The following EXD3 variants were observed in gnomAD, a reference collection of about 807,000 sequenced individuals.
The protein encoded by EXD3 is exonuclease 3'-5' domain containing 3.
In EXD3, 92 loss-of-function variants were observed where a neutral mutation model predicts 98.0. The observed-to-expected ratio is 0.94, with a 90% CI of 0.79 to 1.12. The LOEUF is 1.12. EXD3 is among the 50% of genes most tolerant of loss of function. EXD3 has a pLI of 0.00. For synonymous variants in EXD3, 569 were observed against 526.0 expected, an observed-to-expected ratio of 1.08 and a Z score of -1.12; for missense variants, 1,222 against 1,191.6, an observed-to-expected ratio of 1.03 and a Z score of -0.38.
chr9:137,311,787 C>T (rs561160534), intron 19 of EXD3, among the ~76,000 whole-genome samples: 1 of 152,330 alleles, frequency 6.6e-6, no homozygotes, highest in Non-Finnish European at 1.5e-5. Flanking sequence ...GCGAGGGCCT[C>T]CCTGTCCATC....
At position 137,407,196 on chromosome 9, in the gene EXD3, C is replaced by T. The variant is rs922810206; in HGVS notation, c.-47-11792G>A. Among the ~76,000 whole-genome samples, 3 of 151,184 alleles carry T rather than the reference C, an allele frequency of 2.0e-5. No individual in the cohort carries two copies. Among genetic ancestry groups the T allele is most frequent in the Admixed American group, 2.0e-4 (3 of 15,230 alleles). On this transcript the variant is annotated intron_variant, in intron 1 of 21. Coordinates refer to ENST00000340951, the MANE Select transcript of EXD3 (RefSeq NM_017820.5). This position sits in a 1 kb window ranked among gnomAD's most constrained non-coding sequence, Gnocchi z 4.4. ...TGGTGGAACCCGGCAGCGCCTCCTCCGTCTCAGCCGCGTCGGTCCCAGGCG... is the reference window on the plus strand; with the variant it reads ...TGGTGGAACCCGGCAGCGCCTCCTCTGTCTCAGCCGCGTCGGTCCCAGGCG...
At chr9:137,338,980 G>C (rs1359263705) in intron 17 of EXD3, among the ~76,000 whole-genome samples, 1 of 151,646 alleles carries the variant, frequency 6.6e-6, no homozygotes, top group Non-Finnish European at 1.5e-5. Context: ...CAATAAAAGA[G>C]AGGGAACCCA....
chr9:137,317,595 G>A (rs1234805319), intron 19 of EXD3, among the ~76,000 whole-genome samples: 2 of 152,080 alleles, frequency 1.3e-5, no homozygotes, highest in East Asian at 3.9e-4. Context: ...AGGAAAGGGG[G>A]GATGAGGGGG....
intron 6 of EXD3, 121 bp from the exon 7 acceptor site, chr9:137,366,753 C>T: frequency 7.8e-7 from 1 of 1,280,814 alleles, no homozygotes; most frequent in Non-Finnish European, 1.1e-6. Context: ...GCCGTCCAGG[C>T]CCAGCAGTGC....
intron 1 of EXD3, among the ~76,000 whole-genome samples, chr9:137,419,989 C>T (rs1416327304): frequency 1.3e-5 from 2 of 151,816 alleles, no homozygotes; most frequent in Non-Finnish European, 2.9e-5. Flanking sequence ...GAAACCCCAT[C>T]TCTACTAAAA....
At position 137,403,925 on chromosome 9, in the gene EXD3, C is replaced by T. The variant is rs555949222; in HGVS notation, c.-47-8521G>A. ...CCCCACGCCATCTCTGCATAGACCC[C>T]GAAGGATGTGGAGTGTCCTCCAGGG... On this transcript the variant is annotated intron_variant, in intron 1 of 21. Coordinates refer to ENST00000340951, the MANE Select transcript of EXD3 (RefSeq NM_017820.5). The surrounding 1 kb of genome is among the most constrained non-coding windows in gnomAD (Gnocchi z 6.1). Among the ~76,000 whole-genome samples, 38 of 152,138 alleles carry T rather than the reference C, an allele frequency of 2.5e-4. No homozygotes were observed. The highest frequency in any genetic ancestry group is 8.7e-4 in the African/African-American group (36 of 41,516).
intron 17 of EXD3, among the ~76,000 whole-genome samples, chr9:137,330,160 G>A (rs1564481229): frequency 8.0e-6 from 1 of 124,674 alleles, no homozygotes; most frequent in East Asian, 2.8e-4. Flanking sequence ...AGCTACACAG[G>A]ACTACACCGG....
Position 137,411,678 on chromosome 9 carries a change from G to C in EXD3, c.-48+11436C>G, listed in dbSNP as rs1007186644. 1.9e-3 allele frequency among the ~76,000 whole-genome samples: 272 copies of C among 146,004 alleles called. 7 individuals are homozygous for C. The highest frequency in any genetic ancestry group is 0.017 in the Admixed American group (256 of 14,742). Reference sequence around the variant, plus strand: ...CAGCCCCGGGACCTGGAAAAGGAGCGGCAGGCGGAGGCGGGGGTGGGGGAG... The same window carrying C: ...CAGCCCCGGGACCTGGAAAAGGAGCCGCAGGCGGAGGCGGGGGTGGGGGAG... On this transcript the variant is annotated intron_variant, in intron 1 of 21. Transcript: ENST00000340951.
intron 1 of EXD3, among the ~76,000 whole-genome samples, chr9:137,408,054 G>T (rs1386364558): frequency 6.6e-6 from 1 of 152,078 alleles, no homozygotes; most frequent in Non-Finnish European, 1.5e-5. Context: ...GGCCTCCAAG[G>T]GTCTCCCTGG....
intron 8 of EXD3, among the ~76,000 whole-genome samples, chr9:137,355,164 T>C (rs888293860): frequency 6.6e-6 from 1 of 152,074 alleles, no homozygotes; most frequent in Non-Finnish European, 1.5e-5. Context: ...TGAAGCCCCA[T>C]GAGCGGCAGG....
intron 10 of EXD3, chr9:137,353,261 C>G (rs1358382277): frequency 9.1e-6 from 9 of 985,116 alleles, no homozygotes; most frequent in Non-Finnish European, 1.1e-5. Context: ...CCCTCCTGGC[C>G]TCCAAGCCTC....
At position 137,309,598 on chromosome 9, in the gene EXD3, C is replaced by G. The variant is rs1298273879; in HGVS notation, c.2278+9G>C. On this transcript the variant is annotated intron_variant, in intron 20 of 21. Transcript: ENST00000340951. ...CCCCAGACCCAGTGCCTGACCCTGACACACTCACCTGAGCTCCTGGGCCCC... is the reference window on the plus strand; with the variant it reads ...CCCCAGACCCAGTGCCTGACCCTGAGACACTCACCTGAGCTCCTGGGCCCC... 6.4e-7 allele frequency: 1 copy of G among 1,554,416 alleles called. No homozygotes were observed. Among genetic ancestry groups the G allele is most frequent in the Admixed American group, 1.9e-5 (1 of 51,620 alleles).
At chr9:137,382,356 C>T (rs1348622304) in intron 3 of EXD3, among the ~76,000 whole-genome samples, 1 of 150,234 alleles carries the variant, frequency 6.7e-6, no homozygotes, top group Non-Finnish European at 1.5e-5. Context: ...GAGGAAAGGA[C>T]AGTGGAATCC....
intron 1 of EXD3, among the ~76,000 whole-genome samples, chr9:137,412,668 C>A: frequency 6.6e-6 from 1 of 152,208 alleles, no homozygotes; most frequent in East Asian, 1.9e-4. Context: ...CACGCACAGC[C>A]GGGGCCCCTC....
In EXD3 at chr9:137,309,677, T is replaced by C. The variant is rs773772952; in HGVS notation, c.2208A>G (p.Leu736=). 6.4e-7 allele frequency: 1 copy of C among 1,557,414 alleles called. No individual in the cohort carries two copies. Among genetic ancestry groups the C allele is most frequent in the Non-Finnish European group, 8.7e-7 (1 of 1,150,710 alleles). ...RCQACNCDQY[L]KVSRDMMKQL... is the part of the protein sequence containing the mutation. ...GCTTCATCATGTCCCTGGAGACCTT[T>C]AGGTACTGGTCACAGTTACAGGCCT... The change falls in exon 20 of 22, where the codon CTA becomes CTG. Residue 736 remains leucine, a synonymous_variant. Transcript: ENST00000340951.
intron 5 of EXD3, among the ~76,000 whole-genome samples, chr9:137,370,606 A>G (rs112937157): frequency 1.4e-5 from 2 of 138,370 alleles, no homozygotes; most frequent in Non-Finnish European, 3.0e-5. Flanking sequence ...GCTTTCAGGA[A>G]AAAAAAAAAA....
Position 137,321,639 on chromosome 9 carries a change from C to T in EXD3, c.2184+2086G>A, listed in dbSNP as rs1588240047. On this transcript the variant is annotated intron_variant, in intron 19 of 21. Transcript: ENST00000340951. ...CGGAGGCTGCAGTGAGCTGAGATTACATCACTACACTCCAGCCTGGGCGAT... is the reference window on the plus strand; with the variant it reads ...CGGAGGCTGCAGTGAGCTGAGATTATATCACTACACTCCAGCCTGGGCGAT... Among the ~76,000 whole-genome samples, 3 of 152,184 alleles carry T rather than the reference C, an allele frequency of 2.0e-5. No homozygotes were observed. In the South Asian group the frequency reaches 6.2e-4, roughly 32 times the overall value.
intron 20 of EXD3, 137 bp from the exon 21 acceptor site, chr9:137,307,783 T>G: frequency 1.0e-6 from 1 of 962,914 alleles, no homozygotes; most frequent in Non-Finnish European, 1.5e-6. Context: ...CCCCCAGCCT[T>G]CGCAGACGGG....
At chr9:137,384,675 A>G (rs890622941) in intron 2 of EXD3, among the ~76,000 whole-genome samples, 1 of 152,270 alleles carries the variant, frequency 6.6e-6, no homozygotes, top group African/African-American at 2.4e-5. Flanking sequence ...GAATTAACCA[A>G]TGGGTTCGGC....
Sources: allele counts gnomAD v4.1 joint callset (sites outside exome capture counted in the v4.1 genomes callset), GRCh38; gene constraint gnomAD v4.1.1; non-coding constraint Gnocchi (gnomAD v3.1); transcripts MANE v1.5; gene names NCBI Gene and HGNC (gene_info 2026-07-23, HGNC 2026-07-21).